The following ZBTB1 variants were observed in gnomAD, a reference collection of about 807,000 sequenced individuals.
ZBTB1 encodes the protein zinc finger and BTB domain containing 1.
Under a neutral mutation model 51.6 loss-of-function variants are expected in ZBTB1, and 13 were observed. That is an observed-to-expected ratio of 0.25 (90% CI 0.16 to 0.40). The LOEUF (loss-of-function observed/expected upper bound fraction) is 0.40. ZBTB1 is among the 10% of genes least tolerant of loss of function. The pLI is 1.00. For missense variants in ZBTB1, 567 were observed against 856.5 expected, an observed-to-expected ratio of 0.66 and a Z score of 4.22; for synonymous variants, 240 against 282.2, an observed-to-expected ratio of 0.85 and a Z score of 1.50.
rs1354128957 is a variant in ZBTB1 at position 64,524,120 on chromosome 14, C to T, written c.*474C>T. 1.0e-6 allele frequency: 1 copy of T among 984,348 alleles called. No homozygotes were observed. The highest frequency in any genetic ancestry group is 1.1e-4 in the East Asian group (1 of 8,808). 61.0% of individuals were successfully genotyped at this position (984,348 alleles called of 1,614,324 possible). Reference sequence around the variant, plus strand: ...TTAGTGAGTTAACTACTCTTTATTCCCCCTTATTAATGAAATTCATATTCT... The same window carrying T: ...TTAGTGAGTTAACTACTCTTTATTCTCCCTTATTAATGAAATTCATATTCT... On this transcript the variant is annotated 3_prime_UTR_variant, in exon 2 of 2. Coordinates refer to ENST00000683701, the MANE Select transcript of ZBTB1 (RefSeq NM_001123329.2).
At chr14:64,527,031 G>C (rs2079908441), downstream of ZBTB1, among the ~76,000 whole-genome samples, 1 of 152,034 alleles carries the variant, frequency 6.6e-6, no homozygotes, top group South Asian at 2.1e-4. Context: ...GGGTGACAGA[G>C]TGAGACTCCA....
At chr14:64,528,585 T>C (rs1182913831), downstream of ZBTB1, among the ~76,000 whole-genome samples, 3 of 152,136 alleles carry the variant, frequency 2.0e-5, no homozygotes, top group Non-Finnish European at 4.4e-5. Flanking sequence ...CTGGGGATGA[T>C]AGGATGAATG....
exon 3 of ZBTB1, chr14:64,532,681 C>A (rs2079951151): frequency 6.6e-6 from 1 of 152,022 alleles, no homozygotes; most frequent in Admixed American, 6.6e-5. Context: ...GAATAAGTTT[C>A]TGTTAAAATA....
intron 1 of ZBTB1, among the ~76,000 whole-genome samples, chr14:64,505,732 G>A (rs1352973951): frequency 2.6e-5 from 4 of 152,238 alleles, no homozygotes; most frequent in Non-Finnish European, 5.9e-5. Flanking sequence ...GGGCGAATCA[G>A]GAAGAGGTTG....
In ZBTB1 at chr14:64,522,686, A is replaced by G. The variant is rs2079872938; in HGVS notation, c.1182A>G (p.Val394=). 1.2e-6 allele frequency: 2 copies of G among 1,614,188 alleles called. No homozygotes were observed. Among genetic ancestry groups the G allele is most frequent in the East Asian group, 2.2e-5 (1 of 44,888 alleles). ...AAACTCTAAAACCTCGAATGTCAGTAAGTGCTGATGAAAGAGGTGGTTTAG... is the reference window on the plus strand; with the variant it reads ...AAACTCTAAAACCTCGAATGTCAGTGAGTGCTGATGAAAGAGGTGGTTTAG... The part of the protein sequence containing the change: ...GRKTLKPRMS[V]SADERGGLEN... The change falls in exon 2 of 2, where the codon GTA becomes GTG. Residue 394 remains valine, a synonymous_variant. Coordinates refer to ENST00000683701, the MANE Select transcript of ZBTB1 (RefSeq NM_001123329.2).
chr14:64,517,225 C>T (rs1199155556), intron 1 of ZBTB1, among the ~76,000 whole-genome samples: 1 of 152,150 alleles, frequency 6.6e-6, no homozygotes, highest in Non-Finnish European at 1.5e-5. Flanking sequence ...ATATATGATA[C>T]TGTATTTGAG....
At chr14:64,518,262 T>C (rs2079816748) in intron 1 of ZBTB1, 1 of 152,236 alleles carries the variant, frequency 6.6e-6, no homozygotes, top group Admixed American at 6.5e-5. Context: ...TCTTTGTGCA[T>C]ACATTGCTTT....
rs1371624801 is a variant in ZBTB1, at chr14:64,512,208, T to C, written c.-19+7262T>C. 5.3e-5 allele frequency among the ~76,000 whole-genome samples: 8 copies of C among 152,212 alleles called. 1 individual carries two copies. In the South Asian group the frequency reaches 1.7e-3, roughly 31 times the overall value. On this transcript the variant is annotated intron_variant, in intron 1 of 1. Transcript: ENST00000683701. ...AGTATGATTATCCCAATTTTATAGATGAGAAAATTGGGCTTAAAGAAGTTC... is the reference window on the plus strand; with the variant it reads ...AGTATGATTATCCCAATTTTATAGACGAGAAAATTGGGCTTAAAGAAGTTC...
chr14:64,523,237 A>G lies in ZBTB1; in HGVS notation c.1733A>G (p.His578Arg). 1 of 1,614,190 alleles carries G rather than the reference A, an allele frequency of 6.2e-7. No homozygotes were observed. The highest frequency in any genetic ancestry group is 8.5e-7 in the Non-Finnish European group (1 of 1,180,022). Residue 578 changes from histidine (H) to arginine (R), a missense_variant, in exon 2 of 2, where the codon CAT (histidine) becomes CGT (arginine). Coordinates refer to ENST00000683701, the MANE Select transcript of ZBTB1 (RefSeq NM_001123329.2). The surrounding 1 kb of genome is among the most constrained non-coding windows in gnomAD (Gnocchi z 4.5). The stretch of plus-strand genomic sequence containing the variant: ...AATGAAAGAGATCACAGACGAAAGC[A>G]TTTTTGTAATCTGTGTGGAAAAGGA... The part of the protein sequence containing the change: ...EENERDHRRK[H>R]FCNLCGKGFY...
At chr14:64,529,282 C>T (rs145498190), downstream of ZBTB1, among the ~76,000 whole-genome samples, 147 of 152,198 alleles carry the variant, frequency 9.7e-4, no homozygotes, top group Admixed American at 3.1e-3. Context: ...TGTCTGTGAC[C>T]TTTTCTTCCT....
chr14:64,533,297 G>C (rs1215124172), exon 3 of ZBTB1: 1 of 152,164 alleles, frequency 6.6e-6, no homozygotes, highest in Non-Finnish European at 1.5e-5. Context: ...GGAAATATTA[G>C]AGTCTAAAAA....
downstream of ZBTB1, among the ~76,000 whole-genome samples, chr14:64,528,190 T>A (rs1261888883): frequency 6.6e-6 from 1 of 152,036 alleles, no homozygotes; most frequent in Admixed American, 6.6e-5. Flanking sequence ...AAATTAAACA[T>A]AAAACTTGTG....
rs78324947 is a variant in ZBTB1, at chr14:64,505,903, A to G, written c.-19+957A>G. Among the ~76,000 whole-genome samples the G allele has an allele frequency of 8.1e-3, 1,235 of 152,290 alleles. 17 individuals carry two copies. The highest frequency in any genetic ancestry group is 0.028 in the African/African-American group (1,173 of 41,544). ...AAATAGTGTTCCCTTTGACACTCGA[A>G]CCCAAGGAGTGGTCCGAGGCTTTTT... is the stretch of plus-strand genomic sequence containing the variant. On this transcript the variant is annotated intron_variant, in intron 1 of 1. Coordinates refer to ENST00000683701, the MANE Select transcript of ZBTB1 (RefSeq NM_001123329.2).
chr14:64,512,296 T>C (rs1274169248), intron 1 of ZBTB1, among the ~76,000 whole-genome samples: 2 of 152,230 alleles, frequency 1.3e-5, no homozygotes, highest in African/African-American at 2.4e-5. Context: ...CTCTGGCTTC[T>C]TTTTTAATTC....
At position 64,524,786 on chromosome 14, in the gene ZBTB1, G is replaced by C. The variant is rs556077397; in HGVS notation, c.*1140G>C. ...TTTTCTGTAAAAGACTATAAAACTTGAGGATTATAAAATAATCACAGAGTA... is the reference window on the plus strand; with the variant it reads ...TTTTCTGTAAAAGACTATAAAACTTCAGGATTATAAAATAATCACAGAGTA... On this transcript the variant is annotated 3_prime_UTR_variant, in exon 2 of 2. Coordinates refer to ENST00000683701, the MANE Select transcript of ZBTB1 (RefSeq NM_001123329.2). The C allele has an allele frequency of 6.1e-6, 6 of 980,682 alleles. No individual in the cohort carries two copies. The African/African-American group carries it at 1.0e-4, about 17-fold the overall frequency. 60.7% of individuals were successfully genotyped at this position (980,682 alleles called of 1,614,324 possible).
At chr14:64,518,473 T>C (rs1291830364) in intron 1 of ZBTB1, 1 of 152,116 alleles carries the variant, frequency 6.6e-6, no homozygotes, top group Non-Finnish European at 1.5e-5. Flanking sequence ...TATGGAACTT[T>C]ATGTCTTAGA....
At chr14:64,513,285 ATATACATCTCCC>A (rs1399190703) in intron 1 of ZBTB1, among the ~76,000 whole-genome samples, 1 of 152,182 alleles carries the variant, frequency 6.6e-6, no homozygotes, top group Non-Finnish European at 1.5e-5. Context: ...TGAGAGATAT[ATATACATCTCCC>A]TATACATCTG....
At chr14:64,528,339 CTTTTCTT>C (rs1397996523), downstream of ZBTB1, among the ~76,000 whole-genome samples, 1 of 109,510 alleles carries the variant, frequency 9.1e-6, no homozygotes, top group East Asian at 2.5e-4. Context: ...AAACATTTTT[CTTTTCTT>C]TTTTTTTTTT....
chr14:64,504,432 G>A (rs1243633365), upstream of ZBTB1: 3 of 153,460 alleles, frequency 2.0e-5, no homozygotes, highest in Non-Finnish European at 4.3e-5. Context: ...GAGTCGGGAG[G>A]AGCCCAGTTC....
Sources: gnomAD v4.1 joint callset for allele counts (sites outside exome capture counted in the v4.1 genomes callset) on GRCh38, gnomAD v4.1.1 for gene constraint, Gnocchi (gnomAD v3.1) non-coding constraint, MANE v1.5 for transcripts, NCBI Gene and HGNC (gene_info 2026-07-23, HGNC 2026-07-21) for gene names.